ERBB4: variants seen among roughly 807,000 people sequenced by gnomAD.
ERBB4 encodes erb-b2 receptor tyrosine kinase 4, also known as receptor tyrosine-protein kinase erbB-4.
Under a neutral mutation model 158.0 loss-of-function variants are expected in ERBB4, and 42 were observed. The ratio of observed to expected loss-of-function variants is 0.27; its 90% CI spans 0.21 to 0.34. The LOEUF (loss-of-function observed/expected upper bound fraction) is 0.34, where lower values mean the gene tolerates loss of function less well. Among genes scored for constraint, ERBB4 ranks in the 10% least tolerant of loss-of-function variants. ERBB4 has a pLI of 1.00. For synonymous variants in ERBB4, 583 were observed against 558.7 expected (o/e 1.04, Z -0.61); for missense variants, 1,333 against 1,624.1 (o/e 0.82, Z 3.08).
chr2:211,872,610 C>T (rs1196163563), intron 3 of ERBB4, among the ~76,000 whole-genome samples: 1 of 151,956 alleles, frequency 6.6e-6, no homozygotes, highest in Admixed American at 6.6e-5. Flanking sequence ...TGTTAAACAT[C>T]AGGTCAGTAT....
At chr2:212,416,056 C>A (rs1206174863) in intron 1 of ERBB4, among the ~76,000 whole-genome samples, 1 of 152,064 alleles carries the variant, frequency 6.6e-6, no homozygotes, top group Admixed American at 6.6e-5. Context: ...AATTACATAC[C>A]CACAAAGCTA....
Position 211,599,513 on chromosome 2 carries a change from C to CTGTGTGTGTGTGTGTG in ERBB4, c.2301+19648_2301+19663dup, listed in dbSNP as rs6147153. The stretch of plus-strand genomic sequence containing the variant: ...ACAGGCTCACAGAAAATAATTTCTT[C>CTGTGTGTGTGTGTGTG]TGTGTGTGTGTGTGTGTGTGTGTTT... On this transcript the variant is annotated intron_variant, in intron 19 of 27. Transcript: ENST00000342788. Among the ~76,000 whole-genome samples, 801 of 140,900 alleles carry CTGTGTGTGTGTGTGTG rather than the reference C, an allele frequency of 5.7e-3. 11 individuals are homozygous for CTGTGTGTGTGTGTGTG. Among genetic ancestry groups the CTGTGTGTGTGTGTGTG allele is most frequent in the African/African-American group, 0.015 (592 of 38,818 alleles). 92.4% of individuals were successfully genotyped at this position (140,900 alleles called of 152,430 possible).
chr2:211,529,500 T>C (rs887733179), intron 20 of ERBB4, among the ~76,000 whole-genome samples: 5 of 152,104 alleles, frequency 3.3e-5, no homozygotes, highest in African/African-American at 1.2e-4. Flanking sequence ...ATTCATTCTA[T>C]GAGGCTAGTA....
intron 2 of ERBB4, among the ~76,000 whole-genome samples, chr2:212,062,396 A>ATTTTTTTTTTTTTTTTTTTTTTTT (rs1559419685): frequency 1.0e-5 from 1 of 96,534 alleles, no homozygotes; most frequent in Non-Finnish European, 2.0e-5. Flanking sequence ...TCACTTGTCA[A>ATTTTTTTTTTTTTTTTTTTTTTTT]TTCTTTTTTT....
At chr2:211,723,734 CAT>C (rs1259281455) in intron 6 of ERBB4, among the ~76,000 whole-genome samples, 3 of 152,118 alleles carry the variant, frequency 2.0e-5, no homozygotes, top group Non-Finnish European at 4.4e-5. Context: ...GCTTTACTAA[CAT>C]ATTTTATGCA....
chr2:211,408,617 A>AAGTCT (rs1282194440), intron 25 of ERBB4, among the ~76,000 whole-genome samples: 1 of 152,232 alleles, frequency 6.6e-6, no homozygotes, highest in African/African-American at 2.4e-5. Flanking sequence ...GGCAGCAGCC[A>AAGTCT]AGTCTAGTGC....
At chr2:212,193,012 G>A (rs1475323085) in intron 1 of ERBB4, among the ~76,000 whole-genome samples, 1 of 152,098 alleles carries the variant, frequency 6.6e-6, no homozygotes, top group Non-Finnish European at 1.5e-5. Context: ...GGAAACCTTG[G>A]AAAATTACAA....
At chr2:211,612,106 A>C (rs1160963594) in intron 19 of ERBB4, among the ~76,000 whole-genome samples, 9 of 152,162 alleles carry the variant, frequency 5.9e-5, no homozygotes, top group Admixed American at 5.9e-4. Context: ...AGCACTATAA[A>C]TACCTAAGAA....
intron 4 of ERBB4, among the ~76,000 whole-genome samples, chr2:211,760,276 G>T (rs1388756652): frequency 1.3e-5 from 2 of 152,260 alleles, no homozygotes; most frequent in South Asian, 2.1e-4. Context: ...TGTGCTAATT[G>T]GCCTGGATTG....
At position 212,475,941 on chromosome 2, in the gene ERBB4, C is replaced by T. The variant is rs143389268; in HGVS notation, c.82+62508G>A. ...TATTGTAATGGACTCTCTTGCCTTC[C>T]CCCAGTCCTTTCCCCACAATACAGC... On this transcript the variant is annotated intron_variant, in intron 1 of 27. Transcript: ENST00000342788. 5.7e-4 allele frequency among the ~76,000 whole-genome samples: 86 copies of T among 152,120 alleles called. No individual in the cohort carries two copies. In the East Asian group the frequency reaches 0.015, roughly 27 times the overall value.
At chr2:211,949,155 C>T (rs997913924) in intron 2 of ERBB4, among the ~76,000 whole-genome samples, 56 of 152,230 alleles carry the variant, frequency 3.7e-4, no homozygotes, top group African/African-American at 1.3e-3. Context: ...CCACCTGAGC[C>T]ATCATCATTC....
chr2:212,361,891 T>C (rs189593008), intron 1 of ERBB4, among the ~76,000 whole-genome samples: 2 of 151,764 alleles, frequency 1.3e-5, no homozygotes, highest in African/African-American at 4.8e-5. Flanking sequence ...TAGAACAGGG[T>C]AACAAGGTTT....
intron 4 of ERBB4, among the ~76,000 whole-genome samples, chr2:211,772,612 T>C (rs1162185767): frequency 1.3e-5 from 2 of 151,140 alleles, no homozygotes; most frequent in African/African-American, 2.4e-5. Flanking sequence ...AAATAACCAT[T>C]CTTATTAATA....
intron 2 of ERBB4, among the ~76,000 whole-genome samples, chr2:212,103,473 T>C (rs901014593): frequency 1.3e-5 from 2 of 152,072 alleles, no homozygotes; most frequent in African/African-American, 2.4e-5. Context: ...TATAAAAAAG[T>C]ATTAATTTGA....
chr2:212,052,575 A>T (rs988827650), intron 2 of ERBB4, among the ~76,000 whole-genome samples: 1 of 152,202 alleles, frequency 6.6e-6, no homozygotes, highest in Non-Finnish European at 1.5e-5. Context: ...GTTACTTAAA[A>T]TGTGAAACCA....
intron 2 of ERBB4, among the ~76,000 whole-genome samples, chr2:211,964,330 G>C (rs561456513): frequency 4.9e-4 from 74 of 152,256 alleles, no homozygotes; most frequent in African/African-American, 1.7e-3. Context: ...AGTTTACAAA[G>C]CCATTTCATA....
chr2:212,138,068 G>A (rs939271747), intron 1 of ERBB4, among the ~76,000 whole-genome samples: 1 of 152,084 alleles, frequency 6.6e-6, no homozygotes, highest in Non-Finnish European at 1.5e-5. Flanking sequence ...ATCCTCTGTA[G>A]AATTTTTAGA....
At chr2:211,855,899 C>CTT (rs1180838571) in intron 3 of ERBB4, among the ~76,000 whole-genome samples, 1 of 151,954 alleles carries the variant, frequency 6.6e-6, no homozygotes, top group African/African-American at 2.4e-5. Flanking sequence ...AGATAAGATA[C>CTT]TTATGTATGT....
At chr2:211,570,575 A>C (rs945581692) in intron 19 of ERBB4, among the ~76,000 whole-genome samples, 6 of 151,924 alleles carry the variant, frequency 3.9e-5, no homozygotes, top group African/African-American at 1.4e-4. Flanking sequence ...TACTCTGTGA[A>C]ATGTACTTTT....
Sources: allele counts gnomAD v4.1 joint callset (sites outside exome capture counted in the v4.1 genomes callset), GRCh38; gene constraint gnomAD v4.1.1; transcripts MANE v1.5; gene names NCBI Gene and HGNC (gene_info 2026-07-23, HGNC 2026-07-21).